Variants in LARGE1 observed in about 807,000 individuals in gnomAD.
LARGE1 encodes the protein xylosyl- and glucuronyltransferase LARGE1.
LARGE1 carries 43 observed loss-of-function variants against 87.6 expected under a neutral mutation model. The observed-to-expected ratio is 0.49, with a 90% CI of 0.38 to 0.63. The LOEUF (loss-of-function observed/expected upper bound fraction) is 0.63. LARGE1 is among the 30% of genes least tolerant of loss of function. The probability of loss-of-function intolerance (pLI) is 0.00; values close to 1 mark genes in which losing one functional copy is unlikely to be tolerated. For missense variants in LARGE1, 802 were observed against 1,000.2 expected, an observed-to-expected ratio of 0.80 and a Z score of 2.67; for synonymous variants, 434 against 394.6, an observed-to-expected ratio of 1.10 and a Z score of -1.18.
At chr22:33,225,382 C>A (rs1925682397) in intron 11 of LARGE1, among the ~76,000 whole-genome samples, 1 of 152,218 alleles carries the variant, frequency 6.6e-6, no homozygotes, top group African/African-American at 2.4e-5. Flanking sequence ...TTACAATGTG[C>A]TGGGCACTGT....
intron 4 of LARGE1, among the ~76,000 whole-genome samples, chr22:33,619,621 T>A (rs1181414861): frequency 6.6e-6 from 1 of 152,028 alleles, no homozygotes. Context: ...CTTCTTTTTG[T>A]TGAGAAGCTC....
chr22:33,878,920 T>C (rs1241899337), intron 1 of LARGE1, among the ~76,000 whole-genome samples: 1 of 152,098 alleles, frequency 6.6e-6, no homozygotes, highest in Non-Finnish European at 1.5e-5. Flanking sequence ...GATATTCAGA[T>C]GCTTTCAATA....
intron 6 of LARGE1, among the ~76,000 whole-genome samples, chr22:33,508,017 A>G (rs1019262473): frequency 6.6e-6 from 1 of 152,200 alleles, no homozygotes; most frequent in Non-Finnish European, 1.5e-5. Context: ...GAAGGAAGAA[A>G]AGAGACAGAA....
intron 6 of LARGE1, among the ~76,000 whole-genome samples, chr22:33,535,431 T>C (rs1216178249): frequency 6.6e-6 from 1 of 151,712 alleles, no homozygotes; most frequent in Non-Finnish European, 1.5e-5. Flanking sequence ...TAATCCCAGC[T>C]ACTTGGGAGG....
rs369492393 is a variant in LARGE1, at chr22:33,278,542, A to ATCTC, written c.1878-1291_1878-1288dup. On this transcript the variant is annotated intron_variant, in intron 13 of 14. Transcript: ENST00000397394. Reference sequence around the variant, plus strand: ...TTACTGTGTACTGGGACTATTTTAAATCTCTCTCTCTCACACACACACACA... The same window carrying ATCTC: ...TTACTGTGTACTGGGACTATTTTAAATCTCTCTCTCTCTCTCACACACACACACA... 3.2e-3 allele frequency among the ~76,000 whole-genome samples: 465 copies of ATCTC among 145,832 alleles called. 3 individuals carry two copies. The highest frequency in any genetic ancestry group is 5.9e-3 in the East Asian group (30 of 5,046).
intron 6 of LARGE1, among the ~76,000 whole-genome samples, chr22:33,546,678 G>T (rs2077368723): frequency 6.6e-6 from 1 of 152,160 alleles, no homozygotes; most frequent in African/African-American, 2.4e-5. Context: ...TATGCCTCCT[G>T]TGTTCAAGAA....
At position 33,746,159 on chromosome 22, in the gene LARGE1, G is replaced by A. The variant is rs576189255; in HGVS notation, c.106+15212C>T. 2.0e-4 allele frequency among the ~76,000 whole-genome samples: 31 copies of A among 152,130 alleles called. 2 individuals carry two copies. The highest frequency in any genetic ancestry group is 1.2e-3 in the Admixed American group (18 of 15,268). On this transcript the variant is annotated intron_variant, in intron 2 of 14. Transcript: ENST00000397394. ...CGGGAGGCTGAGGTAGGAGAATGGCGTGAACCCGGGAGGCAGAGCTTGCAG... is the reference window on the plus strand; with the variant it reads ...CGGGAGGCTGAGGTAGGAGAATGGCATGAACCCGGGAGGCAGAGCTTGCAG...
the LARGE1 span, among the ~76,000 whole-genome samples, chr22:33,106,372 C>T: frequency 4.3e-3 from 654 of 152,314 alleles, 3 homozygotes; most frequent in African/African-American, 0.014. Flanking sequence ...ATGAATGATC[C>T]GGACAAGCTG....
chr22:33,314,250 T>C (rs1935911838), intron 11 of LARGE1, among the ~76,000 whole-genome samples: 1 of 152,092 alleles, frequency 6.6e-6, no homozygotes, highest in Non-Finnish European at 1.5e-5. Context: ...TGCACAGGAG[T>C]CCCAGTGGCC....
At chr22:33,657,416 AG>A (rs1011100194) in intron 2 of LARGE1, among the ~76,000 whole-genome samples, 42 of 152,196 alleles carry the variant, frequency 2.8e-4, no homozygotes, top group African/African-American at 1.0e-3. Context: ...ATCCTAAAAC[AG>A]GGGTCATCAA....
At chr22:33,778,165 AAAGTCTCTAT>A (rs2145870808) in intron 1 of LARGE1, among the ~76,000 whole-genome samples, 1 of 152,322 alleles carries the variant, frequency 6.6e-6, no homozygotes, top group Non-Finnish European at 1.5e-5. Context: ...GGTCACAGAA[AAAGTCTCTAT>A]AAGGATAAAG....
chr22:33,373,361 T>C (rs2064882349), intron 9 of LARGE1, among the ~76,000 whole-genome samples: 1 of 152,224 alleles, frequency 6.6e-6, no homozygotes. Flanking sequence ...AACTGCAGTT[T>C]CTATTTCTGC....
At chr22:33,371,263 T>C (rs950593526) in intron 9 of LARGE1, among the ~76,000 whole-genome samples, 3 of 152,142 alleles carry the variant, frequency 2.0e-5, no homozygotes, top group African/African-American at 4.8e-5. Flanking sequence ...TTTTAGTTCC[T>C]GTGACTTAAA....
chr22:33,808,208 T>C (rs2086375214), intron 1 of LARGE1, among the ~76,000 whole-genome samples: 1 of 152,238 alleles, frequency 6.6e-6, no homozygotes, highest in Admixed American at 6.5e-5. Context: ...AATAAGTGTG[T>C]AGCAGTACGT....
intron 1 of LARGE1, among the ~76,000 whole-genome samples, chr22:33,767,914 C>A (rs746064248): frequency 3.9e-5 from 6 of 152,224 alleles, no homozygotes; most frequent in Non-Finnish European, 8.8e-5. Flanking sequence ...CTGAATCCTG[C>A]CACTCACACA....
chr22:33,526,060 C>T (rs1271930604), intron 6 of LARGE1, among the ~76,000 whole-genome samples: 1 of 152,114 alleles, frequency 6.6e-6, no homozygotes, highest in Non-Finnish European at 1.5e-5. Context: ...GAAAGCATTA[C>T]AAATGTGGTA....
At chr22:33,370,738 T>A (rs1024251126) in intron 9 of LARGE1, among the ~76,000 whole-genome samples, 1 of 151,198 alleles carries the variant, frequency 6.6e-6, no homozygotes, top group Admixed American at 6.6e-5. Flanking sequence ...ATAGGTGTTA[T>A]AATAATACAT....
intron 11 of LARGE1, among the ~76,000 whole-genome samples, chr22:33,254,355 C>A (rs576388365): frequency 3.2e-4 from 49 of 152,192 alleles, no homozygotes; most frequent in Non-Finnish European, 6.3e-4. Context: ...AGTCTTTGAG[C>A]AAGCTCTGAC....
intron 8 of LARGE1, among the ~76,000 whole-genome samples, chr22:33,382,486 T>A: frequency 6.6e-6 from 1 of 152,040 alleles, no homozygotes; most frequent in South Asian, 2.1e-4. Flanking sequence ...AAATTACAGA[T>A]CCTCCCTTTC....
Sources: allele counts gnomAD v4.1 joint callset (sites outside exome capture counted in the v4.1 genomes callset), GRCh38; gene constraint gnomAD v4.1.1; transcripts MANE v1.5; gene names NCBI Gene and HGNC (gene_info 2026-07-23, HGNC 2026-07-21).